PRKCE: variants seen among roughly 807,000 people sequenced by gnomAD.
The protein encoded by PRKCE is protein kinase C epsilon, also known as protein kinase C epsilon type.
Under a neutral mutation model 85.4 loss-of-function variants are expected in PRKCE, and 16 were observed. The ratio of observed to expected loss-of-function variants is 0.19; its 90% CI spans 0.13 to 0.28. The LOEUF (loss-of-function observed/expected upper bound fraction) is 0.28. Ranked by LOEUF, PRKCE falls within the 10% of genes least tolerant of loss-of-function variation. The pLI is 1.00. For synonymous variants in PRKCE, 388 were observed against 371.5 expected (o/e 1.04, Z -0.51); for missense variants, 573 against 975.2 (o/e 0.59, Z 5.49).
At chr2:45,651,284 C>G (rs1675108347), upstream of PRKCE, 1 of 149,732 alleles carries the variant, frequency 6.7e-6, no homozygotes, top group Non-Finnish European at 1.5e-5. Context: ...GAGTCGCAGT[C>G]CCTGCCCCGC....
intron 2 of PRKCE, among the ~76,000 whole-genome samples, chr2:45,945,028 C>G (rs960052021): frequency 5.3e-5 from 8 of 152,082 alleles, no homozygotes; most frequent in Non-Finnish European, 1.0e-4. Context: ...CAACTTCCCC[C>G]CTTCCTGAGC....
intron 2 of PRKCE, among the ~76,000 whole-genome samples, chr2:45,856,945 T>G (rs1350390779): frequency 6.6e-6 from 1 of 152,274 alleles, no homozygotes; most frequent in African/African-American, 2.4e-5. Flanking sequence ...TCTTTGTCCA[T>G]TCATCATCAG....
intron 10 of PRKCE, among the ~76,000 whole-genome samples, chr2:46,026,461 T>C (rs974228226): frequency 6.6e-6 from 1 of 152,178 alleles, no homozygotes; most frequent in African/African-American, 2.4e-5. Context: ...TTTTGGAAGA[T>C]GGTATCATGC....
chr2:45,948,358 G>A (rs1486524311), intron 2 of PRKCE, among the ~76,000 whole-genome samples: 2 of 152,160 alleles, frequency 1.3e-5, no homozygotes, highest in African/African-American at 4.8e-5. Context: ...TTTGTATTCG[G>A]GCTGCGTGCA....
chr2:46,030,932 G>A lies in PRKCE; in HGVS notation c.1437+20415G>A, dbSNP rs560600896. 1.6e-4 allele frequency among the ~76,000 whole-genome samples: 25 copies of A among 152,268 alleles called. 1 individual carries two copies. Among genetic ancestry groups the A allele is most frequent in the Middle Eastern group, 6.8e-3 (2 of 294 alleles). The stretch of plus-strand genomic sequence containing the variant: ...TTTTATGATTGGTGGGACCTTCTCT[G>A]GAGTGTCTTGCACGGTCCTGTATAC... On this transcript the variant is annotated intron_variant, in intron 10 of 14. Coordinates refer to ENST00000306156, the MANE Select transcript of PRKCE (RefSeq NM_005400.3).
At chr2:46,030,186 G>A (rs1377912254) in intron 10 of PRKCE, among the ~76,000 whole-genome samples, 1 of 152,088 alleles carries the variant, frequency 6.6e-6, no homozygotes, top group Non-Finnish European at 1.5e-5. Context: ...AATATTCTAG[G>A]CATCCACCTT....
At chr2:46,132,299 C>G (rs1410794344) in intron 11 of PRKCE, among the ~76,000 whole-genome samples, 11 of 152,158 alleles carry the variant, frequency 7.2e-5, no homozygotes, top group Non-Finnish European at 1.6e-4. Context: ...AAAAATCTCA[C>G]CCACATTCAT....
chr2:45,723,285 A>C (rs1680775645), intron 1 of PRKCE, among the ~76,000 whole-genome samples: 1 of 152,112 alleles, frequency 6.6e-6, no homozygotes, highest in African/African-American at 2.4e-5. Flanking sequence ...TAAAATATGC[A>C]AGGGAGGAGG....
chr2:45,969,881 T>C (rs1701994628), intron 2 of PRKCE, among the ~76,000 whole-genome samples: 2 of 152,222 alleles, frequency 1.3e-5, no homozygotes, highest in Admixed American at 6.5e-5. Context: ...TTTCTCCAGG[T>C]TTCTGTGGTC....
At chr2:45,899,169 G>C (rs992371507) in intron 2 of PRKCE, among the ~76,000 whole-genome samples, 2 of 152,134 alleles carry the variant, frequency 1.3e-5, no homozygotes, top group Admixed American at 6.6e-5. Flanking sequence ...CCCTAAGCCT[G>C]GATTTGACCT....
At chr2:46,054,584 C>A (rs950623910) in intron 10 of PRKCE, among the ~76,000 whole-genome samples, 3 of 152,164 alleles carry the variant, frequency 2.0e-5, no homozygotes, top group African/African-American at 7.2e-5. Context: ...GCAACCCCAA[C>A]CATACACACA....
Position 46,187,039 on chromosome 2 carries a change from C to G in PRKCE, c.*2158C>G, listed in dbSNP as rs1174770377. ...TATCTTCTGGAGTTGAGTACAAGCA[C>G]AGAAACATCTTTACGGTGGCATCAT... On this transcript the variant is annotated 3_prime_UTR_variant, in exon 15 of 15. Coordinates refer to ENST00000306156, the MANE Select transcript of PRKCE (RefSeq NM_005400.3). The G allele has an allele frequency of 6.6e-6, 1 of 152,370 alleles. No individual in the cohort carries two copies. The highest frequency in any genetic ancestry group is 1.5e-5 in the Non-Finnish European group (1 of 67,998). 9.4% of individuals were successfully genotyped at this position (152,370 alleles called of 1,614,324 possible).
chr2:45,885,547 A>G (rs992882623), intron 2 of PRKCE, among the ~76,000 whole-genome samples: 4 of 152,234 alleles, frequency 2.6e-5, no homozygotes, highest in African/African-American at 9.6e-5. Context: ...ACTTCATTTA[A>G]AAAAGTTAAT....
chr2:46,089,102 T>G (rs1669919605), intron 11 of PRKCE, among the ~76,000 whole-genome samples: 1 of 152,192 alleles, frequency 6.6e-6, no homozygotes, highest in Non-Finnish European at 1.5e-5. Flanking sequence ...TCTCCCCACT[T>G]GCCTTCCCAT....
intron 1 of PRKCE, among the ~76,000 whole-genome samples, chr2:45,728,201 T>G (rs1053054076): frequency 6.6e-6 from 1 of 152,228 alleles, no homozygotes. Flanking sequence ...GAAGCTACTC[T>G]AAATAAATTA....
intron 2 of PRKCE, among the ~76,000 whole-genome samples, chr2:45,867,444 A>G (rs370853037): frequency 2.0e-5 from 3 of 152,210 alleles, no homozygotes; most frequent in South Asian, 4.1e-4. Context: ...TGGCAACCCT[A>G]TGTTGGAGCC....
intron 14 of PRKCE, among the ~76,000 whole-genome samples, chr2:46,176,967 C>T (rs1200106140): frequency 5.9e-5 from 9 of 152,168 alleles, no homozygotes; most frequent in Admixed American, 5.2e-4. Flanking sequence ...ACCTATAACC[C>T]TCAGAAAGCT....
At chr2:45,791,648 T>A (rs1687040021) in intron 1 of PRKCE, among the ~76,000 whole-genome samples, 1 of 152,214 alleles carries the variant, frequency 6.6e-6, no homozygotes, top group Non-Finnish European at 1.5e-5. Flanking sequence ...GATAGCTTAT[T>A]TCACTCTAGA....
At chr2:46,108,638 C>T (rs1189824046) in intron 11 of PRKCE, among the ~76,000 whole-genome samples, 1 of 152,138 alleles carries the variant, frequency 6.6e-6, no homozygotes, top group Non-Finnish European at 1.5e-5. Flanking sequence ...TGCATTTCTA[C>T]CCCATGCATA....
Sources: gnomAD v4.1 joint callset for allele counts (sites outside exome capture counted in the v4.1 genomes callset) on GRCh38, gnomAD v4.1.1 for gene constraint, MANE v1.5 for transcripts, NCBI Gene and HGNC (gene_info 2026-07-23, HGNC 2026-07-21) for gene names.